NOP2: variants seen among roughly 807,000 people sequenced by gnomAD.
The protein encoded by NOP2 is NOP2 nucleolar protein, also known as 28S rRNA (cytosine(4447)-C(5))-methyltransferase.
In NOP2, 7 loss-of-function variants were observed where a neutral mutation model predicts 72.7. The ratio of observed to expected loss-of-function variants is 0.10; its 90% CI spans 0.05 to 0.18. The LOEUF is 0.18. Ranked by LOEUF, NOP2 falls within the 10% of genes least tolerant of loss-of-function variation. NOP2 has a pLI of 1.00. For synonymous variants in NOP2, 387 were observed against 388.0 expected (o/e 1.00, Z 0.03); for missense variants, 954 against 1,014.7 (o/e 0.94, Z 0.81).
chr12:6,559,310 G>A (rs1294558315), intron 15 of NOP2, among the ~76,000 whole-genome samples: 1 of 152,132 alleles, frequency 6.6e-6, no homozygotes, highest in Non-Finnish European at 1.5e-5. Context: ...AGTAGAGATG[G>A]GGGTTTCACT....
At position 6,560,683 on chromosome 12, in the gene NOP2, C is replaced by T; in HGVS notation, c.1437+15G>A. 1.9e-6 allele frequency: 3 copies of T among 1,613,270 alleles called. No individual in the cohort carries two copies. The highest frequency in any genetic ancestry group is 2.5e-6 in the Non-Finnish European group (3 of 1,179,526). On this transcript the variant is annotated intron_variant, in intron 13 of 15. Transcript: ENST00000322166. This position sits in a 1 kb window ranked among gnomAD's most constrained non-coding sequence, Gnocchi z 5.0. ...CAGCCAAGGCCTCTCAGGGGCCCAC[C>T]ACCTGACTCCTCACCTTGTTAGTCT...
At chr12:6,558,094 T>C (rs1283126632) in intron 15 of NOP2, 1 of 357,592 alleles carries the variant, frequency 2.8e-6, no homozygotes, top group Non-Finnish European at 5.2e-6. Context: ...TGAGCTGAGA[T>C]TGCACCACTG....
Position 6,567,927 on chromosome 12 carries a change from G to A in NOP2, c.-4-5C>T. ...TCCAACTTGCGCCCCATGGTACTGT[G>A]GCAGGCAGAAATGGGAGAAGGTGGC... On this transcript the variant is annotated splice_region_variant and splice_polypyrimidine_tract_variant and intron_variant, in intron 1 of 15. Transcript: ENST00000322166. The A allele has an allele frequency of 6.2e-7, 1 of 1,611,042 alleles. No homozygotes were observed. The highest frequency in any genetic ancestry group is 8.5e-7 in the Non-Finnish European group (1 of 1,178,088).
intron 3 of NOP2, 45 bp downstream of exon 3, chr12:6,566,732 A>G (rs199623246): frequency 7.1e-5 from 113 of 1,598,156 alleles, no homozygotes; most frequent in Admixed American, 4.7e-4. Flanking sequence ...GTCAAAGATG[A>G]GCAGTACCAA....
chr12:6,565,901 T>G (rs984020619), intron 5 of NOP2, among the ~76,000 whole-genome samples, 200 bp downstream of exon 5: 3 of 151,580 alleles, frequency 2.0e-5, no homozygotes, highest in Non-Finnish European at 4.4e-5. Context: ...CTAGATTTTT[T>G]TAAATGCTCT....
At position 6,562,091 on chromosome 12, in the gene NOP2, C is replaced by A. The variant is rs897473095; in HGVS notation, c.979-120G>T. On this transcript the variant is annotated intron_variant, in intron 9 of 15. Transcript: ENST00000322166. ...GCAACCTCCACCTCCCAGATTCAAGCGATTCTCTCGTGCCTCAGCCTCCTG... is the reference window on the plus strand; with the variant it reads ...GCAACCTCCACCTCCCAGATTCAAGAGATTCTCTCGTGCCTCAGCCTCCTG... 6.8e-6 allele frequency: 5 copies of A among 732,710 alleles called. No homozygotes were observed. In the Admixed American group the frequency reaches 1.1e-4, roughly 16 times the overall value. 45.4% of individuals were successfully genotyped at this position (732,710 alleles called of 1,614,324 possible). A position where few individuals can be genotyped will look rare whatever the true frequency, so the allele number is the denominator to read the frequency against.
intron 2 of NOP2, 93 bp from the exon 3 acceptor site, chr12:6,566,915 CTAAT>C: frequency 2.0e-6 from 2 of 1,006,720 alleles, no homozygotes; most frequent in South Asian, 2.8e-5. Flanking sequence ...AATTAGTACA[CTAAT>C]TAAAAGGAGT....
chr12:6,560,954 A>C lies in NOP2; in HGVS notation c.1324T>G (p.Tyr442Asp), dbSNP rs1162786091. The change falls in exon 12 of 16, where the codon TAT becomes GAT. Residue 442 changes from tyrosine (Y) to aspartate (D), a missense_variant. Coordinates refer to ENST00000322166, the MANE Select transcript of NOP2 (RefSeq NM_001258308.2). This position sits in a 1 kb window ranked among gnomAD's most constrained non-coding sequence, Gnocchi z 5.0. ...LGVTNTIISHYDGRQFPKVVG... is the reference protein window; with the variant it reads ...LGVTNTIISHDDGRQFPKVVG... ...ACCTTGGGGAACTGGCGCCCATCAT[A>C]GTGGCTGATAATGGTGTTGGTGACT... The C allele has an allele frequency of 2.5e-6, 4 of 1,613,828 alleles. No homozygotes were observed. Among genetic ancestry groups the C allele is most frequent in the Non-Finnish European group, 3.4e-6 (4 of 1,179,876 alleles).
At chr12:6,566,402 C>G in intron 4 of NOP2, 66 bp from the exon 5 acceptor site, 3 of 1,490,750 alleles carry the variant, frequency 2.0e-6, no homozygotes, top group Non-Finnish European at 2.8e-6. Flanking sequence ...CCCTGGGAGC[C>G]TGTACTTTCT....
intron 4 of NOP2, 90 bp downstream of exon 4, chr12:6,566,439 C>A (rs1205677810): frequency 4.6e-6 from 7 of 1,511,166 alleles, no homozygotes; most frequent in Non-Finnish European, 6.4e-6. Context: ...TTTGGCTGTT[C>A]CTTTCACTCC....
rs1452349233 is a variant in NOP2, at chr12:6,560,060, G to C, written c.1789+38C>G. The C allele has an allele frequency of 6.8e-7, 1 of 1,474,982 alleles. No homozygotes were observed. Among genetic ancestry groups the C allele is most frequent in the Non-Finnish European group, 9.5e-7 (1 of 1,054,534 alleles). 91.4% of individuals were successfully genotyped at this position (1,474,982 alleles called of 1,614,324 possible). ...TAAAGCCTCCTGAAAGGTGGAAAGA[G>C]CAAAGGTGGTGACGAAGGGAAGAAA... On this transcript the variant is annotated intron_variant, in intron 15 of 15. Coordinates refer to ENST00000322166, the MANE Select transcript of NOP2 (RefSeq NM_001258308.2). This position sits in a 1 kb window ranked among gnomAD's most constrained non-coding sequence, Gnocchi z 5.0.
At chr12:6,558,051 G>GA (rs1947545534) in intron 15 of NOP2, 1 of 340,098 alleles carries the variant, frequency 2.9e-6, no homozygotes, top group Non-Finnish European at 5.5e-6. Context: ...TGAGGCACAA[G>GA]AATCGCTTGA....
At position 6,561,836 on chromosome 12, in the gene NOP2, TAGGGAC is replaced by T. The variant is rs1437834018; in HGVS notation, c.1067-38_1067-33del. 3 of 1,608,754 alleles carry T rather than the reference TAGGGAC, an allele frequency of 1.9e-6. No individual in the cohort carries two copies. The African/African-American group carries it at 4.0e-5, about 22-fold the overall frequency. On this transcript the variant is annotated intron_variant, in intron 10 of 15. Transcript: ENST00000322166. ...AGAAGGACCACCCTGTGACATGCGG[TAGGGAC>T]AGGGACAGAGGTAGAAGGGCTCTTG...
intron 5 of NOP2, among the ~76,000 whole-genome samples, chr12:6,565,042 T>C (rs894679523): frequency 2.6e-5 from 4 of 152,154 alleles, no homozygotes; most frequent in African/African-American, 9.7e-5. Context: ...ATTCTAATAA[T>C]ACATCCACAC....
rs767776844 is a variant in NOP2, at chr12:6,567,823, C to T, written c.96G>A (p.Leu32=). ...GCCACAACTAATCCTTACCTGCAGG[C>T]AAGAATCTGACGAGTTCTGTCTCGG... is the stretch of plus-strand genomic sequence containing the variant. The part of the protein sequence containing the change: ...KGAETELVRF[L]PAVSDENSKR... Residue 32 remains leucine, a synonymous_variant, in exon 2 of 16, where the codon TTG becomes TTA. Transcript: ENST00000322166. The T allele has an allele frequency of 6.2e-7, 1 of 1,613,542 alleles. No homozygotes were observed. Among genetic ancestry groups the T allele is most frequent in the African/African-American group, 1.3e-5 (1 of 75,052 alleles).
At chr12:6,566,734 C>T in intron 3 of NOP2, 43 bp downstream of exon 3, 1 of 1,600,048 alleles carries the variant, frequency 6.2e-7, no homozygotes, top group Non-Finnish European at 8.6e-7. Flanking sequence ...CAAAGATGAG[C>T]AGTACCAATT....
intron 2 of NOP2, chr12:6,567,573 C>T: frequency 2.4e-6 from 1 of 409,528 alleles, no homozygotes; most frequent in Non-Finnish European, 4.3e-6. Context: ...TTCCTCTGAA[C>T]TCACAATTGT....
At position 6,563,927 on chromosome 12, in the gene NOP2, G is replaced by C; in HGVS notation, c.494C>G (p.Ala165Gly). 6.2e-7 allele frequency: 1 copy of C among 1,613,566 alleles called. No homozygotes were observed. Among genetic ancestry groups the C allele is most frequent in the South Asian group, 1.1e-5 (1 of 90,990 alleles). Reference sequence around the variant, plus strand: ...TTCCCGGGCCTTCTGCTTCCGAGCAGCTCTTTCAATGGGCAGCAACTGAAG... The same window carrying C: ...TTCCCGGGCCTTCTGCTTCCGAGCACCTCTTTCAATGGGCAGCAACTGAAG... ...EGEALLPIERAARKQKAREAA... is the reference protein window; with the variant it reads ...EGEALLPIERGARKQKAREAA... Residue 165 changes from alanine to glycine, a missense_variant, in exon 6 of 16, where the codon GCT becomes GGT. By Grantham distance (60) the Ala-to-Gly change is moderately conservative. Transcript: ENST00000322166.
At position 6,566,242 on chromosome 12, in the gene NOP2, A is replaced by G. The variant is rs1947776330; in HGVS notation, c.333T>C (p.Ser111=). ...AGTCTTCCTCCTCCTCTTCCTCATC[A>G]CTGCCAGGTGCTGGGCGCTTCTTGC... The part of the protein sequence containing the change: ...PRGKKRPAPG[S]DEEEEEEDSE... The change falls in exon 5 of 16, where the codon AGT becomes AGC. Residue 111 remains serine, a synonymous_variant. Transcript: ENST00000322166. 6.2e-7 allele frequency: 1 copy of G among 1,613,552 alleles called. No homozygotes were observed. The highest frequency in any genetic ancestry group is 8.5e-7 in the Non-Finnish European group (1 of 1,179,798).
Sources: gnomAD v4.1 joint callset for allele counts (sites outside exome capture counted in the v4.1 genomes callset) on GRCh38, gnomAD v4.1.1 for gene constraint, Gnocchi (gnomAD v3.1) non-coding constraint, MANE v1.5 for transcripts, NCBI Gene and HGNC (gene_info 2026-07-23, HGNC 2026-07-21) for gene names.